NDUFA12: variants seen among roughly 807,000 people sequenced by gnomAD.
NDUFA12 encodes NADH:ubiquinone oxidoreductase subunit A12, also known as NADH dehydrogenase [ubiquinone] 1 alpha subcomplex subunit 12.
In NDUFA12, 17 loss-of-function variants were observed where a neutral mutation model predicts 20.3. The observed-to-expected ratio is 0.84, with a 90% CI of 0.57 to 1.26. NDUFA12 has a LOEUF of 1.26. Among genes scored for constraint, NDUFA12 ranks in the 50% most tolerant of loss-of-function variants. The probability of loss-of-function intolerance (pLI) is 0.00; values close to 1 mark genes in which losing one functional copy is unlikely to be tolerated. For missense variants in NDUFA12, 191 were observed against 183.7 expected (o/e 1.04, Z -0.23); for synonymous variants, 72 against 63.6 (o/e 1.13, Z -0.63).
At chr12:94,984,054 G>C (rs890074174) in intron 3 of NDUFA12, among the ~76,000 whole-genome samples, 1 of 152,022 alleles carries the variant, frequency 6.6e-6, no homozygotes, top group Admixed American at 6.6e-5. Context: ...AGTGGGGGAG[G>C]GGGGATGAGA....
intron 2 of NDUFA12, among the ~76,000 whole-genome samples, chr12:95,001,721 T>C (rs932629702): frequency 1.3e-5 from 2 of 152,212 alleles, no homozygotes; most frequent in African/African-American, 4.8e-5. Flanking sequence ...TAATTCTTTT[T>C]TGAGATAAGA....
chr12:95,002,777 T>C lies in NDUFA12; in HGVS notation c.131A>G (p.Tyr44Cys), dbSNP rs767190168. The C allele has an allele frequency of 6.2e-7, 1 of 1,614,106 alleles. No individual in the cohort carries two copies. The highest frequency in any genetic ancestry group is 1.1e-5 in the South Asian group (1 of 91,076). The change falls in exon 2 of 4, where the codon TAT (tyrosine) becomes TGT (cysteine). Residue 44 changes from tyrosine to cysteine, a missense_variant. By Grantham distance (194) the Tyr-to-Cys change is radical. Transcript: ENST00000327772. ...GTTGTCTTCATAGTATTTGTTTCCA[T>C]ATTTGTCTTCCCCCACTAATGTACC... ...KVGTLVGEDKYGNKYYEDNKQ... is the reference protein window; with the variant it reads ...KVGTLVGEDKCGNKYYEDNKQ...
At chr12:94,976,160 C>T (rs1874059379) in intron 3 of NDUFA12, among the ~76,000 whole-genome samples, 1 of 152,108 alleles carries the variant, frequency 6.6e-6, no homozygotes, top group Non-Finnish European at 1.5e-5. Context: ...GTCATGGGCA[C>T]TAATCTATAC....
chr12:94,998,701 A>T (rs1874916449), intron 2 of NDUFA12, among the ~76,000 whole-genome samples: 1 of 152,224 alleles, frequency 6.6e-6, no homozygotes, highest in Non-Finnish European at 1.5e-5. Context: ...CATGCTGAGA[A>T]TCAAATCAAG....
At chr12:94,999,264 A>G (rs1034893505) in intron 2 of NDUFA12, among the ~76,000 whole-genome samples, 1 of 152,206 alleles carries the variant, frequency 6.6e-6, no homozygotes, top group Non-Finnish European at 1.5e-5. Flanking sequence ...ATGGTGTTGG[A>G]AAAACTAGCA....
intron 3 of NDUFA12, among the ~76,000 whole-genome samples, chr12:94,986,665 C>G (rs1187850104): frequency 6.6e-6 from 1 of 151,790 alleles, no homozygotes; most frequent in African/African-American, 2.4e-5. Flanking sequence ...GGTGATGCAC[C>G]CCTGTAGTCC....
intron 3 of NDUFA12, among the ~76,000 whole-genome samples, chr12:94,986,101 A>G (rs1874428255): frequency 6.6e-6 from 1 of 150,970 alleles, no homozygotes; most frequent in South Asian, 2.1e-4. Flanking sequence ...AAATAAATAA[A>G]TAAATAAATA....
At chr12:95,001,091 G>A (rs2136073826) in intron 2 of NDUFA12, among the ~76,000 whole-genome samples, 1 of 152,182 alleles carries the variant, frequency 6.6e-6, no homozygotes, top group Admixed American at 6.5e-5. Flanking sequence ...GATGGCTTAA[G>A]CCCAGGAGTT....
chr12:95,003,624 ACCG>A lies in NDUFA12; in HGVS notation c.54_56del (p.Gly19del). On this transcript the variant is annotated inframe_deletion, in exon 1 of 4. Transcript: ENST00000327772. Reference sequence around the variant, plus strand: ...AAAAAACCCGTAGATAGCCTCGGAGACCGCCGTGGCCGGTGATCTGCTGCAGCC... The same window carrying A: ...AAAAAACCCGTAGATAGCCTCGGAGACCGTGGCCGGTGATCTGCTGCAGCC... 6.2e-7 allele frequency: 1 copy of A among 1,614,084 alleles called. No homozygotes were observed. Among genetic ancestry groups the A allele is most frequent in the Non-Finnish European group, 8.5e-7 (1 of 1,180,012 alleles).
At chr12:94,975,698 T>C (rs1470871393) in intron 3 of NDUFA12, among the ~76,000 whole-genome samples, 1 of 152,176 alleles carries the variant, frequency 6.6e-6, no homozygotes, top group East Asian at 1.9e-4. Context: ...ATAAAGGGAA[T>C]AGCTCATGGC....
chr12:94,982,247 C>T (rs540496616), intron 3 of NDUFA12, among the ~76,000 whole-genome samples: 60 of 150,998 alleles, frequency 4.0e-4, no homozygotes, highest in South Asian at 4.2e-4. Context: ...CTCACCCAGC[C>T]GTCCAGAAGC....
Position 94,994,162 on chromosome 12 carries a change from T to C in NDUFA12, c.257+8A>G, listed in dbSNP as rs141728558. 375 of 1,612,840 alleles carry C rather than the reference T, an allele frequency of 2.3e-4. No homozygotes were observed. The highest frequency in any genetic ancestry group is 2.9e-4 in the Non-Finnish European group (339 of 1,179,026). On this transcript the variant is annotated splice_region_variant and intron_variant, in intron 3 of 3. Transcript: ENST00000327772. Reference sequence around the variant, plus strand: ...AAGAAAGACAAATAAAATGTTGTCTTAGCTTACCATTCAGGAGGCACCATG... The same window carrying C: ...AAGAAAGACAAATAAAATGTTGTCTCAGCTTACCATTCAGGAGGCACCATG...
intron 3 of NDUFA12, among the ~76,000 whole-genome samples, chr12:94,989,029 C>A (rs970037707): frequency 6.6e-6 from 1 of 152,138 alleles, no homozygotes; most frequent in Non-Finnish European, 1.5e-5. Flanking sequence ...TTGAACAGAC[C>A]AAGCAATACA....
At chr12:94,990,239 T>G (rs1874591874) in intron 3 of NDUFA12, among the ~76,000 whole-genome samples, 1 of 146,608 alleles carries the variant, frequency 6.8e-6, no homozygotes, top group Admixed American at 6.9e-5. Flanking sequence ...GAATAAAAGT[T>G]GAAGGAAAAA....
At chr12:94,994,072 C>A in intron 3 of NDUFA12, 98 bp downstream of exon 3, 1 of 1,069,066 alleles carries the variant, frequency 9.4e-7, no homozygotes, top group South Asian at 1.3e-5. Flanking sequence ...TGACATGAGT[C>A]ATGATCATGT....
chr12:95,002,854 G>A, intron 1 of NDUFA12, 33 bp from the exon 2 acceptor site: 2 of 1,555,458 alleles, frequency 1.3e-6, no homozygotes, highest in South Asian at 2.2e-5. Context: ...AGACATTTTA[G>A]AATGATTCTT....
chr12:94,987,785 T>C (rs1004368706), intron 3 of NDUFA12, among the ~76,000 whole-genome samples: 5 of 87,820 alleles, frequency 5.7e-5, no homozygotes, highest in East Asian at 2.9e-4. Context: ...GGGCAGGACA[T>C]TGTCTCAAAA....
At chr12:94,997,194 C>A in intron 2 of NDUFA12, 1 of 147,722 alleles carries the variant, frequency 6.8e-6, no homozygotes, top group Non-Finnish European at 1.4e-5. Context: ...TACACACACA[C>A]ACGCACACAC....
intron 3 of NDUFA12, among the ~76,000 whole-genome samples, chr12:94,988,081 T>C (rs1202347670): frequency 6.6e-6 from 1 of 152,178 alleles, no homozygotes; most frequent in African/African-American, 2.4e-5. Flanking sequence ...CCTTGTCCAA[T>C]TCAGTATCTA....
Sources: gnomAD v4.1 joint callset for allele counts (sites outside exome capture counted in the v4.1 genomes callset) on GRCh38, gnomAD v4.1.1 for gene constraint, MANE v1.5 for transcripts, NCBI Gene and HGNC (gene_info 2026-07-23, HGNC 2026-07-21) for gene names.